The following TSGA10 variants were observed in gnomAD, a reference collection of about 807,000 sequenced individuals.
The protein encoded by TSGA10 is testis-specific gene 10 protein.
Under a neutral mutation model 96.6 loss-of-function variants are expected in TSGA10, and 43 were observed. The observed-to-expected ratio is 0.44, with a 90% CI of 0.35 to 0.57. TSGA10 has a LOEUF of 0.57. TSGA10 is among the 20% of genes least tolerant of loss of function. The pLI, the probability that TSGA10 is intolerant of heterozygous loss-of-function variation, is 0.01. For synonymous variants in TSGA10, 229 were observed against 269.9 expected, an observed-to-expected ratio of 0.85 and a Z score of 1.48; for missense variants, 703 against 834.4, an observed-to-expected ratio of 0.84 and a Z score of 1.94.
chr2:99,019,508 C>G (rs1048087031), intron 18 of TSGA10, among the ~76,000 whole-genome samples: 1 of 152,176 alleles, frequency 6.6e-6, no homozygotes, highest in East Asian at 1.9e-4. Flanking sequence ...CTGAAGGAAA[C>G]TGGCCCTGGC....
At chr2:99,021,521 C>A (rs187953269) in intron 17 of TSGA10, among the ~76,000 whole-genome samples, 4 of 152,022 alleles carry the variant, frequency 2.6e-5, no homozygotes, top group Admixed American at 2.6e-4. Flanking sequence ...GAAAATTTAC[C>A]CTTACTAGTA....
At chr2:99,081,677 T>C (rs1163374207) in intron 10 of TSGA10, among the ~76,000 whole-genome samples, 1 of 152,212 alleles carries the variant, frequency 6.6e-6, no homozygotes, top group African/African-American at 2.4e-5. Flanking sequence ...GATTAGGAAC[T>C]ACTATGTTAG....
At chr2:99,085,643 T>C (rs2088224876) in intron 10 of TSGA10, among the ~76,000 whole-genome samples, 1 of 105,260 alleles carries the variant, frequency 9.5e-6, no homozygotes, top group Non-Finnish European at 1.9e-5. Context: ...AAGTTGTTTT[T>C]TTGGAGGTTC....
intron 16 of TSGA10, among the ~76,000 whole-genome samples, chr2:99,061,145 C>T (rs1345492748): frequency 6.6e-6 from 1 of 151,980 alleles, no homozygotes; most frequent in Non-Finnish European, 1.5e-5. Context: ...AGAAAATATC[C>T]AAAATCTAAA....
intron 20 of TSGA10, among the ~76,000 whole-genome samples, chr2:99,017,540 C>T (rs939231005): frequency 4.6e-5 from 7 of 151,830 alleles, no homozygotes; most frequent in Non-Finnish European, 7.4e-5. Context: ...CCGAGGCAGG[C>T]GGATCACGAG....
chr2:99,149,493 A>G (rs1462592099), intron 1 of TSGA10, among the ~76,000 whole-genome samples: 5 of 139,574 alleles, frequency 3.6e-5, no homozygotes, highest in Admixed American at 3.1e-4. Context: ...CCCAGGCTGG[A>G]GTGCAGTGGC....
chr2:99,060,692 A>G (rs965651744), intron 16 of TSGA10, among the ~76,000 whole-genome samples: 1 of 152,210 alleles, frequency 6.6e-6, no homozygotes, highest in Non-Finnish European at 1.5e-5. Context: ...TTCAAGATCT[A>G]CCATAAAGAT....
At chr2:99,111,836 G>A (rs1263203842) in intron 4 of TSGA10, among the ~76,000 whole-genome samples, 2 of 152,066 alleles carry the variant, frequency 1.3e-5, no homozygotes, top group Non-Finnish European at 2.9e-5. Flanking sequence ...TACTCTGAAT[G>A]TGTTAAGATT....
At chr2:99,144,281 A>G (rs1187277704) in intron 1 of TSGA10, among the ~76,000 whole-genome samples, 3 of 151,526 alleles carry the variant, frequency 2.0e-5, no homozygotes, top group Non-Finnish European at 4.4e-5. Context: ...TCGGCCTCCC[A>G]AAGTGCTGGG....
intron 16 of TSGA10, among the ~76,000 whole-genome samples, chr2:99,062,347 G>T (rs567183139): frequency 2.6e-5 from 4 of 152,104 alleles, no homozygotes; most frequent in African/African-American, 7.2e-5. Context: ...CATTTTATCT[G>T]ATCACAATAT....
intron 2 of TSGA10, chr2:99,124,862 G>C (rs546828821): frequency 1.3e-5 from 2 of 152,252 alleles, no homozygotes; most frequent in East Asian, 3.9e-4. Context: ...TGGGATTACA[G>C]GTGTGAGCCA....
intron 1 of TSGA10, among the ~76,000 whole-genome samples, chr2:99,146,657 C>A (rs552278422): frequency 1.2e-4 from 18 of 152,236 alleles, no homozygotes; most frequent in African/African-American, 3.9e-4. Flanking sequence ...GAGACGGAGT[C>A]TTGCTCTGTC....
In TSGA10 at chr2:99,151,880, C is replaced by CT. The variant is rs555872602; in HGVS notation, c.-621+2812dup. 2.0e-5 allele frequency among the ~76,000 whole-genome samples: 3 copies of CT among 152,076 alleles called. No homozygotes were observed. The South Asian group carries it at 6.2e-4, about 31-fold the overall frequency. On this transcript the variant is annotated intron_variant, in intron 1 of 20. Coordinates refer to ENST00000393483, the MANE Select transcript of TSGA10 (RefSeq NM_025244.4). ...GAAAATATCTGGTAGTTGGAAATCTCTTTAATATTCATTTTAAAAGAGGAA... is the reference window on the plus strand; with the variant it reads ...GAAAATATCTGGTAGTTGGAAATCTCTTTTAATATTCATTTTAAAAGAGGAA...
intron 10 of TSGA10, among the ~76,000 whole-genome samples, chr2:99,086,946 T>C (rs973359910): frequency 6.6e-6 from 1 of 151,542 alleles, no homozygotes; most frequent in Non-Finnish European, 1.5e-5. Flanking sequence ...GTCTCATGCC[T>C]GTAATCCCAG....
intron 16 of TSGA10, among the ~76,000 whole-genome samples, chr2:99,052,411 GA>G (rs148564479): frequency 0.054 from 8,147 of 151,956 alleles, 414 homozygotes; most frequent in East Asian, 0.21. Flanking sequence ...ATTGAATCAT[GA>G]AAAAAAATTT....
intron 20 of TSGA10, among the ~76,000 whole-genome samples, chr2:99,007,468 CCAGA>C (rs2078604600): frequency 6.6e-6 from 1 of 151,862 alleles, no homozygotes; most frequent in Non-Finnish European, 1.5e-5. Flanking sequence ...AACACTAATA[CCAGA>C]CAAAGTAGAG....
intron 10 of TSGA10, among the ~76,000 whole-genome samples, chr2:99,087,487 C>T (rs1161375881): frequency 6.6e-6 from 1 of 152,094 alleles, no homozygotes; most frequent in African/African-American, 2.4e-5. Context: ...GCCTCGGCAA[C>T]AAAAGTAAAA....
chr2:99,012,967 A>C lies in TSGA10; in HGVS notation c.2072+5233T>G, dbSNP rs548315214. ...CAATAAATTTAAGAAAATCAGATTTATATAAAGTATCTTCTTTTTTAACTT... is the reference window on the plus strand; with the variant it reads ...CAATAAATTTAAGAAAATCAGATTTCTATAAAGTATCTTCTTTTTTAACTT... On this transcript the variant is annotated intron_variant, in intron 20 of 20. Coordinates refer to ENST00000393483, the MANE Select transcript of TSGA10 (RefSeq NM_025244.4). Among the ~76,000 whole-genome samples the C allele has an allele frequency of 3.3e-4, 50 of 152,334 alleles. No homozygotes were observed. The South Asian group carries it at 0.01, about 32-fold the overall frequency.
At chr2:99,075,007 T>C (rs921245401) in intron 12 of TSGA10, among the ~76,000 whole-genome samples, 1 of 151,768 alleles carries the variant, frequency 6.6e-6, no homozygotes, top group Non-Finnish European at 1.5e-5. Flanking sequence ...TTGATAAGCC[T>C]AAAAAGGGCT....
Sources: gnomAD v4.1 joint callset for allele counts (sites outside exome capture counted in the v4.1 genomes callset) on GRCh38, gnomAD v4.1.1 for gene constraint, MANE v1.5 for transcripts, NCBI Gene and HGNC (gene_info 2026-07-23, HGNC 2026-07-21) for gene names.